MTMR6: variants seen among roughly 807,000 people sequenced by gnomAD.
MTMR6 encodes the protein phosphatidylinositol-3,5-bisphosphate 3-phosphatase MTMR6.
Under a neutral mutation model 80.1 loss-of-function variants are expected in MTMR6, and 47 were observed. That is an observed-to-expected ratio of 0.59 (90% confidence interval 0.46 to 0.75). MTMR6 has a LOEUF of 0.75. Ranked by LOEUF, MTMR6 falls within the 30% of genes least tolerant of loss-of-function variation. MTMR6 has a pLI of 0.00. For missense variants in MTMR6, 629 were observed against 730.9 expected, an observed-to-expected ratio of 0.86 and a Z score of 1.61; for synonymous variants, 254 against 253.0, an observed-to-expected ratio of 1.00 and a Z score of -0.04.
chr13:25,274,088 G>T lies in MTMR6; in HGVS notation c.124C>A (p.His42Asn), dbSNP rs542253884. 1 of 1,603,256 alleles carries T rather than the reference G, an allele frequency of 6.2e-7. No homozygotes were observed. The highest frequency in any genetic ancestry group is 1.1e-5 in the South Asian group (1 of 89,882). The change falls in exon 2 of 14, where the codon CAT (histidine) becomes AAT (asparagine). Residue 42 changes from histidine to asparagine, a missense_variant. By Grantham distance (68) the His-to-Asn change is moderately conservative. Transcript: ENST00000381801. ...TATHLLFIDS[H>N]QKETWILHHH... Reference sequence around the variant, plus strand: ...CTCCTTACCCAGGTTTCTTTTTGATGAGAGTCGATAAATAATAGATGTGTA... The same window carrying T: ...CTCCTTACCCAGGTTTCTTTTTGATTAGAGTCGATAAATAATAGATGTGTA...
At chr13:25,267,675 CAG>C in intron 3 of MTMR6, 102 bp downstream of exon 3, 1 of 1,196,076 alleles carries the variant, frequency 8.4e-7, no homozygotes, top group Non-Finnish European at 1.2e-6. Flanking sequence ...ACCTGACTGT[CAG>C]AGCAAAAAAG....
At chr13:25,261,210 G>A (rs1957328985) in intron 6 of MTMR6, among the ~76,000 whole-genome samples, 1 of 140,810 alleles carries the variant, frequency 7.1e-6, no homozygotes, top group African/African-American at 2.6e-5. Flanking sequence ...TCAGGAGGCT[G>A]AAGCAGGAGA....
intron 9 of MTMR6, among the ~76,000 whole-genome samples, chr13:25,255,900 A>C (rs145716301): frequency 5.9e-5 from 9 of 152,310 alleles, no homozygotes; most frequent in Non-Finnish European, 8.8e-5. Flanking sequence ...GTTTGGTAAA[A>C]TTAAAAACTT....
rs77233544 is a variant in MTMR6 at position 25,273,958 on chromosome 13, G to A, written c.141+113C>T. 5.7e-3 allele frequency: 3,982 copies of A among 697,448 alleles called. 139 individuals are homozygous for A. In the African/African-American group the frequency reaches 0.065, roughly 11 times the overall value. 43.2% of individuals were successfully genotyped at this position (697,448 alleles called of 1,614,324 possible). On this transcript the variant is annotated intron_variant, in intron 2 of 13. Coordinates refer to ENST00000381801, the MANE Select transcript of MTMR6 (RefSeq NM_004685.5). ...TGATCTGGAGACCAAAAAATATTTTGGTTGAGATAGGTAACCAATGATTAA... is the reference window on the plus strand; with the variant it reads ...TGATCTGGAGACCAAAAAATATTTTAGTTGAGATAGGTAACCAATGATTAA...
chr13:25,252,566 G>A (rs1276845739), intron 11 of MTMR6, among the ~76,000 whole-genome samples: 2 of 152,130 alleles, frequency 1.3e-5, no homozygotes, highest in African/African-American at 4.8e-5. Context: ...GGTATCCAGG[G>A]GGAAAGTGGA....
intron 8 of MTMR6, 126 bp downstream of exon 8, chr13:25,257,610 G>T (rs1051386496): frequency 1.0e-5 from 7 of 701,822 alleles, no homozygotes; most frequent in Non-Finnish European, 1.6e-5. Flanking sequence ...ATAAAGTGAA[G>T]CTCATTAAAG....
At chr13:25,260,772 G>T in intron 6 of MTMR6, 3 of 535,798 alleles carry the variant, frequency 5.6e-6, no homozygotes, top group African/African-American at 2.0e-5. Flanking sequence ...TGAACTGGTT[G>T]TTTAACTATG....
At chr13:25,256,067 A>G (rs1001603786) in intron 9 of MTMR6, among the ~76,000 whole-genome samples, 1 of 152,138 alleles carries the variant, frequency 6.6e-6, no homozygotes, top group African/African-American at 2.4e-5. Context: ...CCCATTATCC[A>G]AAGAGGGGAA....
intron 2 of MTMR6, among the ~76,000 whole-genome samples, chr13:25,271,273 T>C (rs958639073): frequency 9.9e-5 from 15 of 152,116 alleles, no homozygotes; most frequent in African/African-American, 3.6e-4. Context: ...TCCTCCCTGA[T>C]AAGCAATGGG....
At chr13:25,260,276 C>T (rs1593146131) in intron 6 of MTMR6, among the ~76,000 whole-genome samples, 2 of 151,668 alleles carry the variant, frequency 1.3e-5, no homozygotes, top group South Asian at 4.2e-4. Context: ...TCAAGTGATT[C>T]TCCTGCCTCA....
At position 25,248,307 on chromosome 13, in the gene MTMR6, T is replaced by C. The variant is rs981737059; in HGVS notation, c.*925A>G. On this transcript the variant is annotated 3_prime_UTR_variant, in exon 14 of 14. Transcript: ENST00000381801. ...TTTAAAAATATACATATACATGTAC[T>C]ATTCATTGTTTCTCAGAACAGTTTT... 1 of 152,174 alleles carries C rather than the reference T, an allele frequency of 6.6e-6. No homozygotes were observed. Among genetic ancestry groups the C allele is most frequent in the East Asian group, 1.9e-4 (1 of 5,202 alleles). 9.4% of individuals were successfully genotyped at this position (152,174 alleles called of 1,614,324 possible). A position where few individuals can be genotyped will look rare whatever the true frequency, so the allele number is the denominator to read the frequency against.
rs559742741 is a variant in MTMR6 at position 25,276,112 on chromosome 13, G to C, written c.25-1925C>G. On this transcript the variant is annotated intron_variant, in intron 1 of 13. Coordinates refer to ENST00000381801, the MANE Select transcript of MTMR6 (RefSeq NM_004685.5). ...TACTGTTTACTCCTCTTCATTGTGC[G>C]TGACTTGGCTGGAAAGGGCACTGTG... Among the ~76,000 whole-genome samples, 9 of 152,198 alleles carry C rather than the reference G, an allele frequency of 5.9e-5. No individual in the cohort carries two copies. The East Asian group carries it at 1.7e-3, about 29-fold the overall frequency.
chr13:25,251,589 T>C lies in MTMR6; in HGVS notation c.1605+60A>G, dbSNP rs987274291. The C allele has an allele frequency of 7.4e-7, 1 of 1,350,872 alleles. No individual in the cohort carries two copies. The highest frequency in any genetic ancestry group is 1.0e-6 in the Non-Finnish European group (1 of 981,796). The allele number at this position is 1,350,872 out of a possible 1,614,324, so 83.7% of individuals were successfully genotyped here. On this transcript the variant is annotated intron_variant, in intron 13 of 13. Transcript: ENST00000381801. This position sits in a 1 kb window ranked among gnomAD's most constrained non-coding sequence, Gnocchi z 4.1. ...CTGATTTACACCAACAATACAAATATTAGTCTAATCGTAAACTAATTTCAC... is the reference window on the plus strand; with the variant it reads ...CTGATTTACACCAACAATACAAATACTAGTCTAATCGTAAACTAATTTCAC...
In MTMR6 at chr13:25,278,513, G is replaced by C. The variant is rs139738038; in HGVS notation, c.25-4326C>G. ...AGGAGGGTGGATCACCTCAGGTCAG[G>C]AGTTCGAAACCAGCCTGGCCAACAT... On this transcript the variant is annotated intron_variant, in intron 1 of 13. Coordinates refer to ENST00000381801, the MANE Select transcript of MTMR6 (RefSeq NM_004685.5). Among the ~76,000 whole-genome samples the C allele has an allele frequency of 1.2e-4, 19 of 152,178 alleles. No individual in the cohort carries two copies. In the East Asian group the frequency reaches 3.5e-3, roughly 28 times the overall value.
intron 6 of MTMR6, among the ~76,000 whole-genome samples, chr13:25,260,322 C>T (rs779140845): frequency 1.3e-5 from 2 of 152,028 alleles, no homozygotes; most frequent in Non-Finnish European, 2.9e-5. Context: ...GCATTCACCA[C>T]CATGCCCGGC....
Position 25,265,847 on chromosome 13 carries a change from A to G in MTMR6, c.563T>C (p.Val188Ala), listed in dbSNP as rs553822893. 1 of 1,614,048 alleles carries G rather than the reference A, an allele frequency of 6.2e-7. No homozygotes were observed. Among genetic ancestry groups the G allele is most frequent in the African/African-American group, 1.3e-5 (1 of 75,052 alleles). ...SKFRSKGRFP[V>A]LSYYHQDKEA... Reference sequence around the variant, plus strand: ...CTTATCTTGATGATAGTAGGAAAGAACTGGGAATCTTCCCTTGCTCCGGAA... The same window carrying G: ...CTTATCTTGATGATAGTAGGAAAGAGCTGGGAATCTTCCCTTGCTCCGGAA... The change falls in exon 5 of 14, where the codon GTT (valine) becomes GCT (alanine). Residue 188 changes from valine (V) to alanine (A), a missense_variant. Val to Ala is a moderately conservative substitution (Grantham distance 64). Coordinates refer to ENST00000381801, the MANE Select transcript of MTMR6 (RefSeq NM_004685.5).
intron 1 of MTMR6, among the ~76,000 whole-genome samples, chr13:25,277,034 A>G (rs1957741088): frequency 6.6e-6 from 1 of 152,198 alleles, no homozygotes; most frequent in Admixed American, 6.5e-5. Context: ...CCACTATGCT[A>G]TACTGCCTCC....
intron 9 of MTMR6, among the ~76,000 whole-genome samples, 164 bp from the exon 10 acceptor site, chr13:25,254,598 G>A (rs2137527746): frequency 6.6e-6 from 1 of 152,256 alleles, no homozygotes; most frequent in Non-Finnish European, 1.5e-5. Flanking sequence ...ACCTTGATTC[G>A]AGGTGGGGTT....
intron 5 of MTMR6, 66 bp downstream of exon 5, chr13:25,265,753 T>C: frequency 1.3e-6 from 2 of 1,515,894 alleles, no homozygotes. Context: ...AAAAGTGTTA[T>C]TTTAGATACT....
Sources: gnomAD v4.1 joint callset for allele counts (sites outside exome capture counted in the v4.1 genomes callset) on GRCh38, gnomAD v4.1.1 for gene constraint, Gnocchi (gnomAD v3.1) non-coding constraint, MANE v1.5 for transcripts, NCBI Gene and HGNC (gene_info 2026-07-23, HGNC 2026-07-21) for gene names.